PCDHA6: variants seen among roughly 807,000 people sequenced by gnomAD.
PCDHA6 encodes the protein protocadherin alpha 6.
A neutral mutation model predicts 60.3 loss-of-function variants in PCDHA6; 55 were observed. That is an observed-to-expected ratio of 0.91 (90% CI 0.73 to 1.14). The LOEUF (loss-of-function observed/expected upper bound fraction) is 1.14. Ranked by LOEUF, PCDHA6 falls within the 50% of genes most tolerant of loss-of-function variation. PCDHA6 has a pLI of 0.00. For missense variants in PCDHA6, 1,327 were observed against 1,256.5 expected, an observed-to-expected ratio of 1.06 and a Z score of -0.85; for synonymous variants, 652 against 557.9, an observed-to-expected ratio of 1.17 and a Z score of -2.38.
chr5:140,893,338 T>C (rs1409461265), intron 1 of PCDHA6, among the ~76,000 whole-genome samples: 1 of 152,174 alleles, frequency 6.6e-6, no homozygotes, highest in African/African-American at 2.4e-5. Context: ...TTTTCCTTAG[T>C]GGCAGTGCTA....
At chr5:140,888,843 G>T (rs2153425504) in intron 1 of PCDHA6, among the ~76,000 whole-genome samples, 1 of 152,082 alleles carries the variant, frequency 6.6e-6, no homozygotes, top group East Asian at 1.9e-4. Context: ...ACTGCAGCCT[G>T]GTGACAGAGT....
At position 140,876,499 on chromosome 5, in the gene PCDHA6, G is replaced by A. The variant is rs781995151; in HGVS notation, c.2394+46014G>A. ...CATGGTCCTGGTGGAAGTTCTGGAC[G>A]TGAATGACAATGTCCCTGAAGTAAT... On this transcript the variant is annotated intron_variant, in intron 1 of 3. Transcript: ENST00000529310. 5.0e-6 allele frequency: 8 copies of A among 1,613,910 alleles called. No homozygotes were observed. The Admixed American group carries it at 1.0e-4, about 20-fold the overall frequency.
At chr5:140,842,147 GC>G (rs2150330571) in intron 1 of PCDHA6, 1 of 1,613,842 alleles carries the variant, frequency 6.2e-7, no homozygotes, top group East Asian at 2.2e-5. Flanking sequence ...AGCCAATGGG[GC>G]AATTTCATAT....
At chr5:140,967,156 G>A (rs1169438367) in intron 1 of PCDHA6, 1 of 1,610,422 alleles carries the variant, frequency 6.2e-7, no homozygotes, top group Admixed American at 1.7e-5. Context: ...ACCCCGTGGC[G>A]GTGAGCGCCG....
At chr5:140,969,034 G>A in intron 1 of PCDHA6, 1 of 1,614,144 alleles carries the variant, frequency 6.2e-7, no homozygotes, top group East Asian at 2.2e-5. Flanking sequence ...CTGCAGAACT[G>A]TACAAACAAG....
chr5:140,952,923 C>T (rs1554220692), intron 1 of PCDHA6, among the ~76,000 whole-genome samples: 1 of 151,990 alleles, frequency 6.6e-6, no homozygotes, highest in East Asian at 1.9e-4. Context: ...ATGGCATGAG[C>T]AGGAGCAGGA....
At chr5:140,877,304 T>C in intron 1 of PCDHA6, 3 of 1,613,926 alleles carry the variant, frequency 1.9e-6, no homozygotes, top group Non-Finnish European at 2.5e-6. Context: ...TCCTACGAGT[T>C]GCAACCGGCG....
chr5:140,855,098 A>G (rs1204884452), intron 1 of PCDHA6, among the ~76,000 whole-genome samples: 1 of 149,990 alleles, frequency 6.7e-6, no homozygotes, highest in African/African-American at 2.4e-5. Flanking sequence ...CCTGTGCAGT[A>G]GCAATAATTA....
chr5:140,886,328 C>T (rs1554182483), intron 1 of PCDHA6, among the ~76,000 whole-genome samples: 1 of 151,922 alleles, frequency 6.6e-6, no homozygotes, highest in African/African-American at 2.4e-5. Context: ...TTCTGGGATA[C>T]ATGTGCAGAA....
At chr5:140,938,796 C>T (rs563991147) in intron 1 of PCDHA6, among the ~76,000 whole-genome samples, 4 of 152,138 alleles carry the variant, frequency 2.6e-5, no homozygotes, top group East Asian at 3.9e-4. Context: ...ATGAAATAAT[C>T]GGTACCACAA....
intron 1 of PCDHA6, among the ~76,000 whole-genome samples, chr5:140,936,658 G>A (rs1385566642): frequency 6.6e-6 from 1 of 152,174 alleles, no homozygotes; most frequent in Non-Finnish European, 1.5e-5. Context: ...TATATATTCT[G>A]TTTCTGGACT....
At position 140,829,933 on chromosome 5, in the gene PCDHA6, G is replaced by A. The variant is rs1554132408; in HGVS notation, c.1842G>A (p.Pro614=). ...NAWLSYELQP[P]ASSARFPFRV... ...GGCTTTCGTATGAGCTGCAGCCCCCGGCAAGCAGCGCTCGCTTCCCGTTTC... is the reference window on the plus strand; with the variant it reads ...GGCTTTCGTATGAGCTGCAGCCCCCAGCAAGCAGCGCTCGCTTCCCGTTTC... Residue 614 remains proline, a synonymous_variant, in exon 1 of 4, where the codon CCG becomes CCA. Transcript: ENST00000529310. The A allele has an allele frequency of 3.7e-6, 6 of 1,613,652 alleles. No homozygotes were observed. Among genetic ancestry groups the A allele is most frequent in the East Asian group, 2.2e-5 (1 of 44,890 alleles).
intron 1 of PCDHA6, among the ~76,000 whole-genome samples, chr5:140,942,139 A>G (rs1211983428): frequency 6.6e-6 from 1 of 152,248 alleles, no homozygotes; most frequent in African/African-American, 2.4e-5. Flanking sequence ...TTGTGGCTTT[A>G]CTTGACATAA....
At position 140,877,671 on chromosome 5, in the gene PCDHA6, G is replaced by T. The variant is rs138162923; in HGVS notation, c.2394+47186G>T. 2.5e-6 allele frequency: 4 copies of T among 1,613,620 alleles called. No individual in the cohort carries two copies. The South Asian group carries it at 3.3e-5, about 13-fold the overall frequency. On this transcript the variant is annotated intron_variant, in intron 1 of 3. Coordinates refer to ENST00000529310, the MANE Select transcript of PCDHA6 (RefSeq NM_018909.4). ...CGCCGCCCACCGTGAGCCGGTGCGC[G>T]CCGGGCAAGCCCACGCTGGTGTGCT...
Position 141,009,737 on chromosome 5 carries a change from C to T in PCDHA6, c.2653C>T (p.Pro885Ser). The T allele has an allele frequency of 6.2e-7, 1 of 1,614,130 alleles. No homozygotes were observed. The highest frequency in any genetic ancestry group is 8.5e-7 in the Non-Finnish European group (1 of 1,180,024). Residue 885 changes from proline (P) to serine (S), a missense_variant, in exon 4 of 4, where the codon CCC becomes TCC. Physicochemically the swap from Pro to Ser is moderately conservative, Grantham distance 74 (BLOSUM62 -1). Coordinates refer to ENST00000529310, the MANE Select transcript of PCDHA6 (RefSeq NM_018909.4). ...NPKQSGPGEL[P>S]DKFIIPGSPA... Reference sequence around the variant, plus strand: ...CAAACAATCCGGTCCCGGTGAGTTGCCCGACAAATTCATTATCCCAGGATC... The same window carrying T: ...CAAACAATCCGGTCCCGGTGAGTTGTCCGACAAATTCATTATCCCAGGATC...
At chr5:140,843,915 T>C in intron 1 of PCDHA6, 1 of 619,744 alleles carries the variant, frequency 1.6e-6, no homozygotes, top group East Asian at 2.9e-5. Flanking sequence ...GTTGGGTCTA[T>C]CTTGAAACTC....
intron 1 of PCDHA6, among the ~76,000 whole-genome samples, chr5:140,936,673 A>G (rs77819967): frequency 0.018 from 2,748 of 152,254 alleles, 64 homozygotes; most frequent in South Asian, 0.1. Context: ...TGGACTGTCT[A>G]TTCTGTTTCA....
At chr5:140,988,169 A>G (rs1384072642) in intron 3 of PCDHA6, among the ~76,000 whole-genome samples, 3 of 152,128 alleles carry the variant, frequency 2.0e-5, no homozygotes. Flanking sequence ...TGTCATAGCA[A>G]TGACAGTCCT....
chr5:140,927,516 C>G (rs782661477), intron 1 of PCDHA6: 22 of 1,614,066 alleles, frequency 1.4e-5, no homozygotes, highest in Non-Finnish European at 1.8e-5. Flanking sequence ...CTCGGGACGG[C>G]GGGCTACCTG....
Sources: allele counts gnomAD v4.1 joint callset (sites outside exome capture counted in the v4.1 genomes callset), GRCh38; gene constraint gnomAD v4.1.1; transcripts MANE v1.5; gene names NCBI Gene and HGNC (gene_info 2026-07-23, HGNC 2026-07-21).